ADK: variants seen among roughly 807,000 people sequenced by gnomAD.
ADK encodes N6,N6-dimethyladenosine kinase.
In ADK, 24 loss-of-function variants were observed where a neutral mutation model predicts 44.7. That is an observed-to-expected ratio of 0.54 (90% CI 0.39 to 0.76). The LOEUF (loss-of-function observed/expected upper bound fraction) is 0.76, where lower values mean the gene tolerates loss of function less well. Among genes scored for constraint, ADK ranks in the 30% least tolerant of loss-of-function variants. ADK has a pLI of 0.00. For missense variants in ADK, 321 were observed against 425.1 expected (o/e 0.76, Z 2.15); for synonymous variants, 128 against 142.6 (o/e 0.90, Z 0.73).
rs1321622031 is a variant in ADK, at chr10:74,390,025, TTAAG to T, written c.274-4112_274-4109del. ...TGCTATTATTTTGATGACAAATTAT[TTAAG>T]TAATCATAGTAAAAGTTGCTATTGG... On this transcript the variant is annotated intron_variant, in intron 4 of 10. Coordinates refer to ENST00000539909, the MANE Select transcript of ADK (RefSeq NM_006721.4). 2.0e-5 allele frequency among the ~76,000 whole-genome samples: 3 copies of T among 152,132 alleles called. No homozygotes were observed. The East Asian group carries it at 5.8e-4, about 29-fold the overall frequency.
At chr10:74,215,634 TAATAAC>T (rs1843982987) in intron 2 of ADK, among the ~76,000 whole-genome samples, 2 of 150,288 alleles carry the variant, frequency 1.3e-5, no homozygotes, top group African/African-American at 4.9e-5. Context: ...TAATGATTTT[TAATAAC>T]TTTATATAAT....
intron 4 of ADK, among the ~76,000 whole-genome samples, chr10:74,366,527 T>C (rs949552661): frequency 6.6e-6 from 1 of 152,206 alleles, no homozygotes; most frequent in African/African-American, 2.4e-5. Context: ...TTTTTAGCAG[T>C]CTTTCAAATA....
At chr10:74,453,318 C>G (rs989660081) in intron 6 of ADK, among the ~76,000 whole-genome samples, 1 of 152,040 alleles carries the variant, frequency 6.6e-6, no homozygotes, top group Non-Finnish European at 1.5e-5. Context: ...CTCTAATTAC[C>G]TCAGCTTGGA....
chr10:74,483,381 G>A (rs947315867), intron 6 of ADK, among the ~76,000 whole-genome samples: 10 of 152,140 alleles, frequency 6.6e-5, no homozygotes, highest in Non-Finnish European at 1.5e-4. Flanking sequence ...AGCACTCTTC[G>A]CTTTTATGAC....
At chr10:74,266,363 C>T (rs1321167038) in intron 3 of ADK, among the ~76,000 whole-genome samples, 2 of 152,230 alleles carry the variant, frequency 1.3e-5, no homozygotes, top group African/African-American at 4.8e-5. Context: ...TCAAGACCAG[C>T]CCGGCCAACA....
chr10:74,563,617 T>G (rs774312794), intron 7 of ADK, among the ~76,000 whole-genome samples: 1 of 152,192 alleles, frequency 6.6e-6, no homozygotes, highest in Non-Finnish European at 1.5e-5. Context: ...ACTTTTACTT[T>G]AGGGAACAAA....
At chr10:74,392,768 T>C (rs546228708) in intron 4 of ADK, among the ~76,000 whole-genome samples, 2 of 152,252 alleles carry the variant, frequency 1.3e-5, no homozygotes, top group Admixed American at 6.5e-5. Flanking sequence ...TATTAAGTTT[T>C]ATTTTTTAAA....
intron 3 of ADK, among the ~76,000 whole-genome samples, chr10:74,228,718 A>G (rs1844640680): frequency 6.6e-6 from 1 of 152,172 alleles, no homozygotes; most frequent in African/African-American, 2.4e-5. Context: ...ATGAATATCT[A>G]TTTTATGAAT....
intron 10 of ADK, among the ~76,000 whole-genome samples, chr10:74,696,240 C>G (rs1297905065): frequency 6.6e-6 from 1 of 151,680 alleles, no homozygotes; most frequent in African/African-American, 2.4e-5. Flanking sequence ...AGGCTGGTCT[C>G]GAACTCCTGA....
chr10:74,655,393 G>A, intron 9 of ADK: 1 of 410,208 alleles, frequency 2.4e-6, no homozygotes, highest in Non-Finnish European at 4.8e-6. Flanking sequence ...AGAAAGAGTT[G>A]GACGAAGACA....
intron 7 of ADK, among the ~76,000 whole-genome samples, chr10:74,577,769 G>A (rs1374409115): frequency 1.3e-5 from 2 of 152,096 alleles, no homozygotes; most frequent in Non-Finnish European, 2.9e-5. Context: ...GTGCCAAAGA[G>A]TAGTAGACCT....
chr10:74,410,884 T>C (rs1200459421), intron 6 of ADK, among the ~76,000 whole-genome samples: 1 of 152,198 alleles, frequency 6.6e-6, no homozygotes, highest in Admixed American at 6.5e-5. Flanking sequence ...TCTTTATATA[T>C]AGCATTAAAT....
intron 3 of ADK, among the ~76,000 whole-genome samples, chr10:74,274,749 C>CATTATATATATATATATATAT (rs1183534647): frequency 9.5e-6 from 1 of 105,358 alleles, no homozygotes; most frequent in Non-Finnish European, 1.9e-5. Flanking sequence ...TATATATATA[C>CATTATATATATATATATATAT]ACACACACAT....
chr10:74,441,404 G>A (rs1348150260), intron 6 of ADK, among the ~76,000 whole-genome samples: 1 of 152,054 alleles, frequency 6.6e-6, no homozygotes, highest in African/African-American at 2.4e-5. Context: ...ATATACCAAA[G>A]AAAAATGAAA....
At chr10:74,279,562 G>T (rs779600983) in intron 3 of ADK, among the ~76,000 whole-genome samples, 24 of 149,584 alleles carry the variant, frequency 1.6e-4, no homozygotes, top group Non-Finnish European at 2.7e-4. Context: ...TTGGGTGACA[G>T]AGTGAGACTT....
rs4746198 is a variant in ADK at position 74,332,463 on chromosome 10, A to G, written c.273+17718A>G. On this transcript the variant is annotated intron_variant, in intron 4 of 10. Transcript: ENST00000539909. Reference sequence around the variant, plus strand: ...CAGATCTGCTCTAGAATTTATTACCATCTGGTCTCTTTGGAGACTAGTATA... The same window carrying G: ...CAGATCTGCTCTAGAATTTATTACCGTCTGGTCTCTTTGGAGACTAGTATA... 4.1e-3 allele frequency among the ~76,000 whole-genome samples: 630 copies of G among 152,346 alleles called. 6 individuals carry two copies. Among genetic ancestry groups the G allele is most frequent in the African/African-American group, 0.014 (592 of 41,580 alleles).
intron 1 of ADK, among the ~76,000 whole-genome samples, chr10:74,196,356 A>G (rs1174313869): frequency 6.6e-6 from 1 of 152,062 alleles, no homozygotes; most frequent in Non-Finnish European, 1.5e-5. Context: ...CCTGGCCAAC[A>G]TGGTAAAACC....
rs1842640672 is a variant in ADK at position 74,183,663 on chromosome 10, AC to A, written c.66-17099del. Among the ~76,000 whole-genome samples, 3 of 151,574 alleles carry A rather than the reference AC, an allele frequency of 2.0e-5. No individual in the cohort carries two copies. In the South Asian group the frequency reaches 6.2e-4, roughly 32 times the overall value. ...GTAGCTGGGATTACAAGCGTGTGCCACCACACCTGGCTGATTTTGCATTTTT... is the reference window on the plus strand; with the variant it reads ...GTAGCTGGGATTACAAGCGTGTGCCACACACCTGGCTGATTTTGCATTTTT... On this transcript the variant is annotated intron_variant, in intron 1 of 10. Coordinates refer to ENST00000539909, the MANE Select transcript of ADK (RefSeq NM_006721.4).
At chr10:74,617,450 T>C (rs570510307) in intron 9 of ADK, among the ~76,000 whole-genome samples, 3 of 152,226 alleles carry the variant, frequency 2.0e-5, no homozygotes, top group Admixed American at 6.5e-5. Flanking sequence ...CATGTAAAAT[T>C]ACTATATGAT....
Sources: allele counts gnomAD v4.1 joint callset (sites outside exome capture counted in the v4.1 genomes callset), GRCh38; gene constraint gnomAD v4.1.1; transcripts MANE v1.5; gene names NCBI Gene and HGNC (gene_info 2026-07-23, HGNC 2026-07-21).